Variants in ST7 observed in about 807,000 individuals in gnomAD.
ST7 encodes the protein suppressor of tumorigenicity 7 protein.
In ST7, 28 loss-of-function variants were observed where a neutral mutation model predicts 78.7. That is an observed-to-expected ratio of 0.36 (90% confidence interval 0.26 to 0.49). ST7 has a LOEUF of 0.49. Ranked by LOEUF, ST7 falls within the 20% of genes least tolerant of loss-of-function variation. The probability of loss-of-function intolerance (pLI) is 0.99; values close to 1 mark genes in which losing one functional copy is unlikely to be tolerated. For synonymous variants in ST7, 247 were observed against 249.6 expected (o/e 0.99, Z 0.10); for missense variants, 418 against 696.0 (o/e 0.60, Z 4.49).
At chr7:117,184,137 A>G (rs1233007316) in intron 10 of ST7, 2 of 152,280 alleles carry the variant, frequency 1.3e-5, no homozygotes, top group African/African-American at 2.4e-5. Flanking sequence ...AAACATTTCT[A>G]TAAAACATAA....
intron 1 of ST7, among the ~76,000 whole-genome samples, chr7:117,097,904 A>ATTTTTT (rs1171743827): frequency 5.9e-5 from 2 of 33,718 alleles, no homozygotes; most frequent in African/African-American, 9.7e-5. Context: ...ATATATATAT[A>ATTTTTT]TATATTTTTT....
intron 2 of ST7, among the ~76,000 whole-genome samples, chr7:117,100,051 G>A (rs1013804962): frequency 2.0e-5 from 3 of 152,152 alleles, no homozygotes; most frequent in East Asian, 1.9e-4. Flanking sequence ...TTAAGCAATC[G>A]TATATTACTT....
intron 1 of ST7, among the ~76,000 whole-genome samples, chr7:117,088,654 T>C (rs1174096983): frequency 6.6e-6 from 1 of 152,202 alleles, no homozygotes; most frequent in Admixed American, 6.5e-5. Context: ...TTCTGTAATA[T>C]TTTTTGGTAT....
chr7:117,186,298 G>A (rs182780869), intron 10 of ST7, among the ~76,000 whole-genome samples: 110 of 152,202 alleles, frequency 7.2e-4, no homozygotes, highest in Non-Finnish European at 1.5e-4. Context: ...GCACTTTGTG[G>A]CCATTATGCA....
chr7:117,167,515 G>A (rs567966483), intron 9 of ST7, among the ~76,000 whole-genome samples: 1 of 152,068 alleles, frequency 6.6e-6, no homozygotes, highest in South Asian at 2.1e-4. Context: ...TCAGTATTAG[G>A]TGTGTTGCCT....
chr7:117,179,385 T>A (rs912239279), intron 10 of ST7, among the ~76,000 whole-genome samples: 1 of 152,224 alleles, frequency 6.6e-6, no homozygotes, highest in Non-Finnish European at 1.5e-5. Flanking sequence ...CAGCTTTTAC[T>A]CCTAAATCAC....
chr7:116,995,766 ATG>A (rs569397125), intron 1 of ST7, among the ~76,000 whole-genome samples: 54 of 152,330 alleles, frequency 3.5e-4, no homozygotes, highest in Middle Eastern at 3.4e-3. Context: ...CTGTGAGGGA[ATG>A]TGGGTTATCT....
At chr7:117,074,826 G>C (rs558651884) in intron 1 of ST7, 2 of 152,290 alleles carry the variant, frequency 1.3e-5, no homozygotes, top group Admixed American at 6.5e-5. Flanking sequence ...TTAGTTGACA[G>C]GTTTGTTGGC....
At chr7:117,180,115 T>A (rs76966420) in intron 10 of ST7, among the ~76,000 whole-genome samples, 2,353 of 152,302 alleles carry the variant, frequency 0.015, 38 homozygotes, top group Middle Eastern at 0.027. Flanking sequence ...ACCACTTTAT[T>A]TCATTTGCTT....
chr7:117,205,016 T>C (rs1791611222), intron 12 of ST7, among the ~76,000 whole-genome samples: 2 of 152,134 alleles, frequency 1.3e-5, no homozygotes, highest in Non-Finnish European at 2.9e-5. Context: ...TGCAGTGAGC[T>C]ATGGTTGCAC....
At chr7:117,223,002 A>G (rs1009196228) in intron 15 of ST7, 2 of 1,521,474 alleles carry the variant, frequency 1.3e-6, no homozygotes, top group African/African-American at 2.7e-5. Flanking sequence ...CTCTTCCCCC[A>G]CCACCAAAAC....
chr7:117,175,865 A>G (rs994415550), intron 10 of ST7, among the ~76,000 whole-genome samples: 1 of 152,168 alleles, frequency 6.6e-6, no homozygotes, highest in Non-Finnish European at 1.5e-5. Flanking sequence ...CAAATGGAAA[A>G]CTATATATAA....
intron 1 of ST7, chr7:117,020,773 G>C (rs546965281): frequency 8.1e-7 from 1 of 1,237,990 alleles, no homozygotes; most frequent in African/African-American, 1.5e-5. Flanking sequence ...TGGTCTCAGG[G>C]AAGGAACTCC....
chr7:117,221,543 G>A (rs1322003959), intron 14 of ST7, among the ~76,000 whole-genome samples: 1 of 152,150 alleles, frequency 6.6e-6, no homozygotes, highest in Non-Finnish European at 1.5e-5. Flanking sequence ...GGATTTTCCA[G>A]GTTTTGTACA....
At chr7:116,996,998 G>A (rs1414528861) in intron 1 of ST7, among the ~76,000 whole-genome samples, 5 of 152,090 alleles carry the variant, frequency 3.3e-5, no homozygotes, top group Non-Finnish European at 5.9e-5. Context: ...TCTTGGTCTC[G>A]CTGACTTCAA....
rs182323360 is a variant in ST7, at chr7:117,129,164, T to C, written c.395-629T>C. On this transcript the variant is annotated intron_variant, in intron 3 of 15. Coordinates refer to ENST00000323984, the MANE Select transcript of ST7 (RefSeq NM_001369598.1). ...TTAGGATGTGCTAACATGATGATAT[T>C]AGTATGATGATTAGTATATGTATCT... Among the ~76,000 whole-genome samples the C allele has an allele frequency of 5.1e-4, 78 of 151,996 alleles. 1 individual carries two copies. Among genetic ancestry groups the C allele is most frequent in the South Asian group, 1.9e-3 (9 of 4,824 alleles).
intron 1 of ST7, among the ~76,000 whole-genome samples, chr7:116,986,812 G>A (rs969734225): frequency 6.6e-6 from 1 of 152,200 alleles, no homozygotes; most frequent in Admixed American, 6.5e-5. Context: ...CATGGGATTA[G>A]ATATGGTTAC....
At chr7:117,103,334 A>G (rs1200171638) in intron 2 of ST7, among the ~76,000 whole-genome samples, 1 of 152,226 alleles carries the variant, frequency 6.6e-6, no homozygotes, top group Non-Finnish European at 1.5e-5. Context: ...GAGGCATCAC[A>G]CTATCTGACT....
At chr7:117,043,820 A>G (rs1050285649) in intron 1 of ST7, among the ~76,000 whole-genome samples, 1 of 152,254 alleles carries the variant, frequency 6.6e-6, no homozygotes, top group African/African-American at 2.4e-5. Flanking sequence ...CCTGTGAGAT[A>G]GCAAGTATTA....
Sources: allele counts gnomAD v4.1 joint callset (sites outside exome capture counted in the v4.1 genomes callset), GRCh38; gene constraint gnomAD v4.1.1; transcripts MANE v1.5; gene names NCBI Gene and HGNC (gene_info 2026-07-23, HGNC 2026-07-21).